The following MYO3A variants were observed in gnomAD, a reference collection of about 807,000 sequenced individuals.
The protein encoded by MYO3A is myosin-IIIa.
Under a neutral mutation model 192.7 loss-of-function variants are expected in MYO3A, and 180 were observed. That is an observed-to-expected ratio of 0.93 (90% CI 0.83 to 1.06). The LOEUF (loss-of-function observed/expected upper bound fraction) is 1.06, where lower values mean the gene tolerates loss of function less well. MYO3A is among the 50% of genes least tolerant of loss of function. The pLI is 0.00. For missense variants in MYO3A, 1,896 were observed against 1,905.0 expected, an observed-to-expected ratio of 1.00 and a Z score of 0.09; for synonymous variants, 628 against 645.3, an observed-to-expected ratio of 0.97 and a Z score of 0.41.
intron 14 of MYO3A, among the ~76,000 whole-genome samples, chr10:26,078,916 G>A (rs762547871): frequency 4.6e-5 from 7 of 152,072 alleles, no homozygotes; most frequent in East Asian, 3.8e-4. Flanking sequence ...ATTGAAGCTC[G>A]TTTTATAGCC....
intron 10 of MYO3A, among the ~76,000 whole-genome samples, chr10:26,055,651 T>C (rs770878616): frequency 2.0e-5 from 3 of 152,184 alleles, no homozygotes; most frequent in Non-Finnish European, 4.4e-5. Context: ...CCTTTGTGTT[T>C]ACATCAGGGA....
chr10:26,096,161 C>G (rs1837017877), intron 15 of MYO3A, among the ~76,000 whole-genome samples: 1 of 152,176 alleles, frequency 6.6e-6, no homozygotes, highest in Admixed American at 6.5e-5. Flanking sequence ...CGAATGTATA[C>G]TGAATGATTC....
intron 29 of MYO3A, among the ~76,000 whole-genome samples, chr10:26,173,137 C>T (rs1842135035): frequency 2.0e-5 from 3 of 151,638 alleles, no homozygotes; most frequent in Admixed American, 2.0e-4. Context: ...AAAGTAGCAA[C>T]TGTGAAATTT....
At chr10:26,097,234 A>G (rs868737767) in intron 17 of MYO3A, among the ~76,000 whole-genome samples, 2 of 152,212 alleles carry the variant, frequency 1.3e-5, no homozygotes, top group South Asian at 4.2e-4. Flanking sequence ...ATCACTATAA[A>G]TCTGCTTTTT....
rs535622451 is a variant in MYO3A at position 25,962,336 on chromosome 10, T to A, written c.303+7328T>A. 4.6e-5 allele frequency among the ~76,000 whole-genome samples: 7 copies of A among 152,306 alleles called. No homozygotes were observed. The South Asian group carries it at 1.4e-3, about 32-fold the overall frequency. ...GTTATTTTCATCTTAATTCTCTGCA[T>A]GTTTATTTTGAGAATCTAAATGGTA... On this transcript the variant is annotated intron_variant, in intron 4 of 34. Transcript: ENST00000642920.
At chr10:26,118,831 T>C (rs1337120451) in intron 17 of MYO3A, among the ~76,000 whole-genome samples, 2 of 151,856 alleles carry the variant, frequency 1.3e-5, no homozygotes, top group Non-Finnish European at 2.9e-5. Context: ...GGAGTTTCAC[T>C]GTGTTGGCCA....
At chr10:26,046,633 A>G (rs559635148) in intron 10 of MYO3A, among the ~76,000 whole-genome samples, 2 of 152,356 alleles carry the variant, frequency 1.3e-5, no homozygotes, top group South Asian at 2.1e-4. Context: ...GATATTAGCT[A>G]TGTACACAAA....
intron 10 of MYO3A, among the ~76,000 whole-genome samples, chr10:26,031,788 A>G (rs553878735): frequency 7.7e-4 from 118 of 152,348 alleles, no homozygotes; most frequent in Non-Finnish European, 1.1e-3. Flanking sequence ...ACAAGCCACC[A>G]CATCTACCTC....
intron 17 of MYO3A, among the ~76,000 whole-genome samples, chr10:26,104,652 T>C (rs1837679095): frequency 6.6e-6 from 1 of 152,064 alleles, no homozygotes; most frequent in Non-Finnish European, 1.5e-5. Context: ...TTTTTTGGCT[T>C]TTCAGGGTCA....
At chr10:26,033,763 G>A (rs979126078) in intron 10 of MYO3A, among the ~76,000 whole-genome samples, 1 of 152,158 alleles carries the variant, frequency 6.6e-6, no homozygotes, top group African/African-American at 2.4e-5. Flanking sequence ...GGGCAGGAGG[G>A]CTTATCCAGG....
intron 32 of MYO3A, among the ~76,000 whole-genome samples, chr10:26,194,934 C>G (rs1286354564): frequency 6.6e-6 from 1 of 152,184 alleles, no homozygotes; most frequent in Non-Finnish European, 1.5e-5. Flanking sequence ...CATACATGGG[C>G]GCACACACTC....
At chr10:26,082,700 A>G (rs1433723493) in intron 14 of MYO3A, among the ~76,000 whole-genome samples, 1 of 152,220 alleles carries the variant, frequency 6.6e-6, no homozygotes, top group East Asian at 1.9e-4. Flanking sequence ...AATAAAGTAT[A>G]ACACTATACT....
intron 10 of MYO3A, among the ~76,000 whole-genome samples, chr10:26,051,204 A>G (rs1843977671): frequency 6.6e-6 from 1 of 152,206 alleles, no homozygotes. Flanking sequence ...AGACCCTTAA[A>G]CATCACGTAA....
At chr10:25,949,797 C>T (rs559335208) in intron 2 of MYO3A, among the ~76,000 whole-genome samples, 77 of 152,018 alleles carry the variant, frequency 5.1e-4, no homozygotes, top group African/African-American at 1.7e-3. Context: ...AAGTATTTTT[C>T]GAAGAACCCT....
Position 26,144,568 on chromosome 10 carries a change from G to A in MYO3A, c.2417-878G>A, listed in dbSNP as rs1002889421. Among the ~76,000 whole-genome samples, 4 of 151,930 alleles carry A rather than the reference G, an allele frequency of 2.6e-5. No homozygotes were observed. The East Asian group carries it at 7.7e-4, about 29-fold the overall frequency. Reference sequence around the variant, plus strand: ...TAAGTTCTCCGAAGGTGGCAAAATTGTTATAGAAATTCAGCTGCCTTTAAG... The same window carrying A: ...TAAGTTCTCCGAAGGTGGCAAAATTATTATAGAAATTCAGCTGCCTTTAAG... On this transcript the variant is annotated intron_variant, in intron 21 of 34. Coordinates refer to ENST00000642920, the MANE Select transcript of MYO3A (RefSeq NM_017433.5).
chr10:26,001,177 C>A (rs10508708), intron 6 of MYO3A, among the ~76,000 whole-genome samples: 14,338 of 152,134 alleles, frequency 0.094, 1,186 homozygotes, highest in African/African-American at 0.21. Context: ...CTCTCACTCG[C>A]CATTCCTGAG....
chr10:26,105,601 G>A (rs531480576), intron 17 of MYO3A, among the ~76,000 whole-genome samples: 60 of 151,966 alleles, frequency 3.9e-4, no homozygotes, highest in Admixed American at 1.8e-3. Context: ...GACATTATAT[G>A]TTTCTATCAT....
At chr10:26,120,863 G>C (rs1838821787) in intron 18 of MYO3A, 61 bp downstream of exon 18, 1 of 1,588,498 alleles carries the variant, frequency 6.3e-7, no homozygotes, top group Admixed American at 1.7e-5. Context: ...CATACCATAA[G>C]TATCACATAA....
At chr10:26,152,790 A>G (rs969841898) in intron 23 of MYO3A, among the ~76,000 whole-genome samples, 4 of 152,320 alleles carry the variant, frequency 2.6e-5, no homozygotes, top group African/African-American at 9.6e-5. Context: ...GGCAGTGTGC[A>G]GGGCAAGCCT....
Sources: gnomAD v4.1 joint callset for allele counts (sites outside exome capture counted in the v4.1 genomes callset) on GRCh38, gnomAD v4.1.1 for gene constraint, MANE v1.5 for transcripts, NCBI Gene and HGNC (gene_info 2026-07-23, HGNC 2026-07-21) for gene names.